The following IL7 variants were observed in gnomAD, a reference collection of about 807,000 sequenced individuals.
IL7 encodes interleukin-7.
A neutral mutation model predicts 21.6 loss-of-function variants in IL7; 3 were observed. The observed-to-expected ratio is 0.14, with a 90% CI of 0.06 to 0.36. IL7 has a LOEUF of 0.36. Among genes scored for constraint, IL7 ranks in the 10% least tolerant of loss-of-function variants. The probability of loss-of-function intolerance (pLI) is 1.00; values close to 1 mark genes in which losing one functional copy is unlikely to be tolerated. For missense variants in IL7, 175 were observed against 200.2 expected (o/e 0.87, Z 0.76); for synonymous variants, 62 against 68.1 (o/e 0.91, Z 0.44).
At chr8:78,695,522 G>A (rs1031932709) in intron 3 of IL7, among the ~76,000 whole-genome samples, 4 of 152,124 alleles carry the variant, frequency 2.6e-5, no homozygotes, top group Non-Finnish European at 2.9e-5. Context: ...TGGGTCAGCA[G>A]TCTTGTTTCC....
intron 5 of IL7, among the ~76,000 whole-genome samples, chr8:78,735,201 C>T (rs1811530532): frequency 1.3e-5 from 2 of 149,974 alleles, no homozygotes; most frequent in African/African-American, 4.9e-5. Flanking sequence ...CGAGAATAAG[C>T]ATTCACTAAA....
At chr8:78,738,066 A>G (rs1335176348) in intron 4 of IL7, among the ~76,000 whole-genome samples, 1 of 152,140 alleles carries the variant, frequency 6.6e-6, no homozygotes, top group Non-Finnish European at 1.5e-5. Context: ...AGAAGGGAAA[A>G]TTGTTGGACA....
chr8:78,786,099 G>A (rs1212376231), intron 2 of IL7, among the ~76,000 whole-genome samples: 1 of 152,182 alleles, frequency 6.6e-6, no homozygotes, highest in African/African-American at 2.4e-5. Flanking sequence ...ACAGTTATGT[G>A]TCACTTAATG....
intron 2 of IL7, among the ~76,000 whole-genome samples, chr8:78,789,740 T>C (rs1184560688): frequency 2.0e-5 from 3 of 152,018 alleles, no homozygotes; most frequent in Non-Finnish European, 4.4e-5. Context: ...GTCTATAGAA[T>C]AGATGGATAA....
chr8:78,779,212 A>G (rs1813234286), intron 2 of IL7, among the ~76,000 whole-genome samples: 1 of 152,208 alleles, frequency 6.6e-6, no homozygotes, highest in South Asian at 2.1e-4. Context: ...CTGTCTTCCT[A>G]TTTGCCTACC....
chr8:78,767,065 G>T (rs1266415039), intron 2 of IL7, among the ~76,000 whole-genome samples: 1 of 151,908 alleles, frequency 6.6e-6, no homozygotes, highest in Non-Finnish European at 1.5e-5. Context: ...TTAACAATTT[G>T]CATCTTCTTT....
At chr8:78,753,568 T>C (rs141062668) in intron 2 of IL7, among the ~76,000 whole-genome samples, 53 of 152,320 alleles carry the variant, frequency 3.5e-4, no homozygotes, top group African/African-American at 1.2e-3. Flanking sequence ...GTGCAGAAGC[T>C]CTTTAGTTTA....
At chr8:78,709,719 T>TAAA (rs762270772) in intron 3 of IL7, among the ~76,000 whole-genome samples, 3 of 130,464 alleles carry the variant, frequency 2.3e-5, no homozygotes, top group Non-Finnish European at 5.0e-5. Context: ...GCTGATGAAC[T>TAAA]AAAAAAAAAA....
At chr8:78,681,824 ATCT>A (rs1039295751) in intron 4 of IL7, among the ~76,000 whole-genome samples, 6 of 151,710 alleles carry the variant, frequency 4.0e-5, no homozygotes, top group African/African-American at 9.7e-5. Flanking sequence ...TCTTTATAAT[ATCT>A]TCTTGTCTTT....
At position 78,738,536 on chromosome 8, in the gene IL7, C is replaced by T; in HGVS notation, c.328G>A (p.Gly110Ser). The stretch of plus-strand genomic sequence containing the variant: ...GTGCAGTTCAACAGTATTGTTGTGC[C>T]TTCTGAAACTTTTAATAAGTGGAGA... The part of the protein sequence containing the change: ...FDLHLLKVSE[G>S]TTILLNCTGQ... The change falls in exon 4 of 6, where the codon GGC (glycine) becomes AGC (serine). Residue 110 changes from glycine (G) to serine (S), a missense_variant. Physicochemically the swap from Gly to Ser is moderately conservative, Grantham distance 56. Transcript: ENST00000263851. The T allele has an allele frequency of 1.2e-6, 2 of 1,613,654 alleles. No homozygotes were observed. Among genetic ancestry groups the T allele is most frequent in the Non-Finnish European group, 1.7e-6 (2 of 1,179,668 alleles).
At chr8:78,760,758 G>A (rs939632965) in intron 2 of IL7, 36 of 1,545,632 alleles carry the variant, frequency 2.3e-5, no homozygotes, top group East Asian at 2.1e-4. Context: ...TGAGCTCTGC[G>A]GAATTTCCCA....
intron 2 of IL7, among the ~76,000 whole-genome samples, chr8:78,779,312 G>A (rs1403846599): frequency 2.0e-5 from 3 of 152,152 alleles, no homozygotes; most frequent in African/African-American, 7.2e-5. Flanking sequence ...CTTGTCTTGT[G>A]CTAGTTTTCT....
chr8:78,794,535 G>A (rs1049180980), intron 2 of IL7, among the ~76,000 whole-genome samples: 2 of 152,046 alleles, frequency 1.3e-5, no homozygotes, highest in African/African-American at 4.8e-5. Context: ...AGCTATGAAA[G>A]TTCTAGATGT....
chr8:78,760,565 T>C lies in IL7; in HGVS notation c.148-20483A>G, dbSNP rs527705817. 1.9e-5 allele frequency: 30 copies of C among 1,552,140 alleles called. No individual in the cohort carries two copies. The African/African-American group carries it at 3.9e-4, about 20-fold the overall frequency. ...TCTATACATGTCAGCATGGTGTTCC[T>C]CCAAAGTATTGAATTTGAGTTGTCC... is the stretch of plus-strand genomic sequence containing the variant. On this transcript the variant is annotated intron_variant, in intron 2 of 5. Coordinates refer to ENST00000263851, the MANE Select transcript of IL7 (RefSeq NM_000880.4).
At position 78,736,535 on chromosome 8, in the gene IL7, A is replaced by G; in HGVS notation, c.361-8T>C. 5.1e-6 allele frequency: 8 copies of G among 1,576,974 alleles called. No individual in the cohort carries two copies. The highest frequency in any genetic ancestry group is 1.1e-5 in the South Asian group (1 of 87,754). ...TGGTTTTCTTCCTTTAACCTTAAAAACAAAGTCACATTTATAATATTGAAT... is the reference window on the plus strand; with the variant it reads ...TGGTTTTCTTCCTTTAACCTTAAAAGCAAAGTCACATTTATAATATTGAAT... On this transcript the variant is annotated splice_polypyrimidine_tract_variant and splice_region_variant and intron_variant, in intron 4 of 5. Coordinates refer to ENST00000263851, the MANE Select transcript of IL7 (RefSeq NM_000880.4).
At chr8:78,698,071 G>C (rs1810489235) in intron 3 of IL7, among the ~76,000 whole-genome samples, 1 of 152,096 alleles carries the variant, frequency 6.6e-6, no homozygotes, top group South Asian at 2.1e-4. Context: ...GTACTTCCTT[G>C]ATTCTTTGAT....
intron 2 of IL7, among the ~76,000 whole-genome samples, chr8:78,779,938 T>C (rs1185401907): frequency 1.3e-5 from 2 of 152,180 alleles, no homozygotes; most frequent in Non-Finnish European, 2.9e-5. Flanking sequence ...TATTCAAGGA[T>C]TCAACTTCTT....
chr8:78,804,851 G>A (rs1197989276), intron 1 of IL7, 62 bp downstream of exon 1: 3 of 1,604,442 alleles, frequency 1.9e-6, no homozygotes, highest in Non-Finnish European at 2.6e-6. Flanking sequence ...CCCCCAGCGC[G>A]TCTGGGATTG....
intron 3 of IL7, among the ~76,000 whole-genome samples, chr8:78,739,571 A>G (rs1484693798): frequency 1.3e-5 from 2 of 152,064 alleles, no homozygotes; most frequent in African/African-American, 4.8e-5. Flanking sequence ...GCATGCCTGT[A>G]GACCCAGTTA....
Sources: allele counts gnomAD v4.1 joint callset (sites outside exome capture counted in the v4.1 genomes callset), GRCh38; gene constraint gnomAD v4.1.1; transcripts MANE v1.5; gene names NCBI Gene and HGNC (gene_info 2026-07-23, HGNC 2026-07-21).